The following PHACTR3 variants were observed in gnomAD, a reference collection of about 807,000 sequenced individuals.
PHACTR3 encodes the protein protein phosphatase 1, regulatory subunit 123.
Under a neutral mutation model 66.8 loss-of-function variants are expected in PHACTR3, and 16 were observed. The observed-to-expected ratio is 0.24, with a 90% confidence interval of 0.16 to 0.36. PHACTR3 has a LOEUF of 0.36. PHACTR3 is among the 10% of genes least tolerant of loss of function. PHACTR3 has a pLI of 1.00. For synonymous variants in PHACTR3, 323 were observed against 292.1 expected, an observed-to-expected ratio of 1.11 and a Z score of -1.08; for missense variants, 647 against 719.9, an observed-to-expected ratio of 0.90 and a Z score of 1.16.
rs1307020299 is a variant in PHACTR3 at position 59,738,594 on chromosome 20, A to G, written c.119-4513A>G. 2.0e-5 allele frequency among the ~76,000 whole-genome samples: 3 copies of G among 152,090 alleles called. No homozygotes were observed. The highest frequency in any genetic ancestry group is 4.4e-5 in the Non-Finnish European group (3 of 68,008). ...GCTACTCCGTTTTGCCTTGGCTGCTAGGAAGCTCAGGGCACACAAATACCC... is the reference window on the plus strand; with the variant it reads ...GCTACTCCGTTTTGCCTTGGCTGCTGGGAAGCTCAGGGCACACAAATACCC... On this transcript the variant is annotated intron_variant, in intron 1 of 12. Transcript: ENST00000371015. This position sits in a 1 kb window ranked among gnomAD's most constrained non-coding sequence, Gnocchi z 4.4.
intron 1 of PHACTR3, among the ~76,000 whole-genome samples, chr20:59,615,341 C>T (rs2033990780): frequency 6.6e-6 from 1 of 152,148 alleles, no homozygotes. Context: ...GCCATGATTA[C>T]TTACCTATTT....
chr20:59,798,356 A>G (rs145301912), intron 7 of PHACTR3, among the ~76,000 whole-genome samples: 142 of 152,346 alleles, frequency 9.3e-4, no homozygotes, highest in African/African-American at 3.2e-3. Context: ...AAGTTTCAAC[A>G]TGAATTTTGG....
intron 1 of PHACTR3, among the ~76,000 whole-genome samples, chr20:59,692,187 A>G (rs879766903): frequency 7.9e-5 from 12 of 152,168 alleles, no homozygotes; most frequent in Non-Finnish European, 1.8e-4. Context: ...TACCCAGGGC[A>G]TGGTGTTTGA....
chr20:59,795,669 T>C (rs1234264092), intron 7 of PHACTR3, among the ~76,000 whole-genome samples: 1 of 152,142 alleles, frequency 6.6e-6, no homozygotes, highest in Non-Finnish European at 1.5e-5. Flanking sequence ...CAAATTTGTA[T>C]GCATATATAT....
chr20:59,846,954 T>A (rs1023495743), intron 12 of PHACTR3, among the ~76,000 whole-genome samples, 161 bp from the exon 13 acceptor site: 2 of 152,178 alleles, frequency 1.3e-5, no homozygotes, highest in African/African-American at 4.8e-5. Context: ...CCTCTGAGAC[T>A]CTACCCTATT....
intron 1 of PHACTR3, among the ~76,000 whole-genome samples, chr20:59,586,630 C>T (rs905290130): frequency 7.9e-5 from 12 of 152,002 alleles, no homozygotes; most frequent in South Asian, 4.2e-4. Flanking sequence ...ATTGTGGTCA[C>T]GGGTGAAAGT....
intron 7 of PHACTR3, among the ~76,000 whole-genome samples, chr20:59,785,481 G>A (rs1483212071): frequency 3.3e-5 from 5 of 152,236 alleles, no homozygotes; most frequent in Non-Finnish European, 7.3e-5. Flanking sequence ...GACTGAGGCA[G>A]AGAGGAGAAA....
chr20:59,766,113 G>T (rs2040171680), intron 4 of PHACTR3, among the ~76,000 whole-genome samples: 1 of 152,222 alleles, frequency 6.6e-6, no homozygotes, highest in African/African-American at 2.4e-5. Context: ...GCCCCGGTCT[G>T]ATGACCTCAG....
intron 8 of PHACTR3, among the ~76,000 whole-genome samples, chr20:59,834,864 C>G (rs978937958): frequency 2.6e-5 from 4 of 152,174 alleles, no homozygotes; most frequent in African/African-American, 9.7e-5. Flanking sequence ...TTCCCTGGGC[C>G]ACACTGGAAG....
intron 1 of PHACTR3, among the ~76,000 whole-genome samples, chr20:59,666,045 G>A (rs2035976100): frequency 1.3e-5 from 2 of 152,168 alleles, no homozygotes; most frequent in African/African-American, 2.4e-5. Context: ...GGACTTAGTG[G>A]TGGAGGGGGC....
At chr20:59,733,466 G>C (rs1450549114) in intron 1 of PHACTR3, among the ~76,000 whole-genome samples, 1 of 152,142 alleles carries the variant, frequency 6.6e-6, no homozygotes, top group Non-Finnish European at 1.5e-5. Context: ...AGTGCTCAGT[G>C]CTTCCGTGTG....
chr20:59,812,856 G>A (rs1317872563), intron 8 of PHACTR3, among the ~76,000 whole-genome samples: 4 of 152,256 alleles, frequency 2.6e-5, no homozygotes, highest in Middle Eastern at 3.4e-3. Flanking sequence ...GCCGAGCAGG[G>A]ACCATCATCC....
intron 1 of PHACTR3, among the ~76,000 whole-genome samples, chr20:59,584,852 C>T (rs2032974366): frequency 6.6e-6 from 1 of 152,186 alleles, no homozygotes; most frequent in Non-Finnish European, 1.5e-5. Flanking sequence ...CCCCTGTAAG[C>T]TCTTATTGTC....
At chr20:59,741,880 A>G (rs2039174550) in intron 1 of PHACTR3, among the ~76,000 whole-genome samples, 1 of 151,502 alleles carries the variant, frequency 6.6e-6, no homozygotes, top group African/African-American at 2.4e-5. Context: ...ATCCTGTCTC[A>G]GCCTCCTGAG....
intron 1 of PHACTR3, among the ~76,000 whole-genome samples, chr20:59,644,670 C>G (rs1014874266): frequency 6.6e-6 from 1 of 152,190 alleles, no homozygotes; most frequent in Non-Finnish European, 1.5e-5. Flanking sequence ...CATACGGGGC[C>G]AGGACACATT....
chr20:59,673,674 C>G (rs1242266246), intron 1 of PHACTR3, among the ~76,000 whole-genome samples: 1 of 152,190 alleles, frequency 6.6e-6, no homozygotes, highest in Non-Finnish European at 1.5e-5. Context: ...TGTACCCGGG[C>G]TTGCTTGGTG....
rs182044781 is a variant in PHACTR3 at position 59,608,050 on chromosome 20, A to G, written c.118+2918A>G. On this transcript the variant is annotated intron_variant, in intron 1 of 12. Transcript: ENST00000371015. The stretch of plus-strand genomic sequence containing the variant: ...ACTCTCCTAGAAAATGTACGAATTC[A>G]CACTTTCCGTAATCTATGAGAGTGC... 2.1e-3 allele frequency among the ~76,000 whole-genome samples: 315 copies of G among 152,294 alleles called. 1 individual carries two copies. The highest frequency in any genetic ancestry group is 7.3e-3 in the African/African-American group (302 of 41,550).
At chr20:59,647,734 C>A (rs146494843) in intron 1 of PHACTR3, among the ~76,000 whole-genome samples, 2 of 152,144 alleles carry the variant, frequency 1.3e-5, no homozygotes, top group African/African-American at 4.8e-5. Context: ...TCTCCCACAA[C>A]GCCCAACTCC....
At chr20:59,653,095 AT>A (rs919089081) in intron 1 of PHACTR3, among the ~76,000 whole-genome samples, 19 of 152,222 alleles carry the variant, frequency 1.2e-4, no homozygotes, top group Non-Finnish European at 2.6e-4. Context: ...TATTCAAAAA[AT>A]TAAAAGGGAA....
Sources: allele counts gnomAD v4.1 joint callset (sites outside exome capture counted in the v4.1 genomes callset), GRCh38; gene constraint gnomAD v4.1.1; non-coding constraint Gnocchi (gnomAD v3.1); transcripts MANE v1.5; gene names NCBI Gene and HGNC (gene_info 2026-07-23, HGNC 2026-07-21).